MAPKAP1: variants seen among roughly 807,000 people sequenced by gnomAD.
MAPKAP1 encodes the protein target of rapamycin complex 2 subunit MAPKAP1.
In MAPKAP1, 20 loss-of-function variants were observed where a neutral mutation model predicts 65.7. The ratio of observed to expected loss-of-function variants is 0.30; its 90% CI spans 0.21 to 0.44. The LOEUF (loss-of-function observed/expected upper bound fraction) is 0.44, where lower values mean the gene tolerates loss of function less well. Among genes scored for constraint, MAPKAP1 ranks in the 20% least tolerant of loss-of-function variants. The pLI, the probability that MAPKAP1 is intolerant of heterozygous loss-of-function variation, is 1.00. For synonymous variants in MAPKAP1, 222 were observed against 244.3 expected (o/e 0.91, Z 0.85); for missense variants, 423 against 648.0 (o/e 0.65, Z 3.77).
At chr9:125,652,003 T>A (rs184204310) in intron 4 of MAPKAP1, 108 of 720,842 alleles carry the variant, frequency 1.5e-4, no homozygotes, top group Non-Finnish European at 7.3e-6. Context: ...GCAAACGTAG[T>A]TTAACATATT....
chr9:125,637,992 G>A (rs1306434743), intron 4 of MAPKAP1, among the ~76,000 whole-genome samples: 1 of 152,096 alleles, frequency 6.6e-6, no homozygotes, highest in African/African-American at 2.4e-5. Context: ...GGCTGGTCTC[G>A]ATCTCCTGAC....
At chr9:125,605,094 G>C (rs1035534587) in intron 4 of MAPKAP1, among the ~76,000 whole-genome samples, 2 of 152,162 alleles carry the variant, frequency 1.3e-5, no homozygotes, top group Non-Finnish European at 1.5e-5. Context: ...GCTATGCATA[G>C]TAAACATAGT....
intron 5 of MAPKAP1, among the ~76,000 whole-genome samples, chr9:125,575,325 G>A (rs1399914003): frequency 6.6e-6 from 1 of 152,074 alleles, no homozygotes; most frequent in South Asian, 2.1e-4. Context: ...TTGCACAACC[G>A]CACTCCAACC....
At chr9:125,536,087 G>A (rs960027219) in intron 7 of MAPKAP1, among the ~76,000 whole-genome samples, 19 of 152,164 alleles carry the variant, frequency 1.2e-4, no homozygotes, top group African/African-American at 4.3e-4. Context: ...TGGCAGTTGC[G>A]AGAGCTCATA....
chr9:125,596,235 T>C (rs570733394), intron 4 of MAPKAP1: 2 of 765,272 alleles, frequency 2.6e-6, no homozygotes, highest in South Asian at 2.7e-5. Context: ...TAATACTTCA[T>C]CCAGCGAAAG....
intron 4 of MAPKAP1, among the ~76,000 whole-genome samples, chr9:125,586,996 A>G (rs769721314): frequency 6.6e-5 from 10 of 152,216 alleles, no homozygotes; most frequent in Admixed American, 1.3e-4. Context: ...TCAAAAATAC[A>G]TTTCAATGGG....
At chr9:125,577,303 T>C (rs1226097086) in intron 5 of MAPKAP1, among the ~76,000 whole-genome samples, 2 of 149,454 alleles carry the variant, frequency 1.3e-5, no homozygotes, top group South Asian at 2.1e-4. Context: ...GTCTGAGAAG[T>C]GAGGAGCCCC....
intron 4 of MAPKAP1, among the ~76,000 whole-genome samples, chr9:125,635,773 A>T (rs1384742760): frequency 1.3e-5 from 2 of 152,222 alleles, no homozygotes; most frequent in Non-Finnish European, 2.9e-5. Context: ...TTTTTAAGGT[A>T]AGTCTTTATA....
chr9:125,485,940 G>C (rs2133040907), intron 8 of MAPKAP1, among the ~76,000 whole-genome samples: 1 of 152,272 alleles, frequency 6.6e-6, no homozygotes, highest in Admixed American at 6.5e-5. Flanking sequence ...TTTTCTTCTA[G>C]TGTCAGGGTG....
rs1295828208 is a variant in MAPKAP1, at chr9:125,589,118, TGAG to T, written c.499-3394_499-3392del. ...TGCTTCTGTTTCCTCATATGTAAAA[TGAG>T]GAGAATGGTAGGACCTACCTATCAT... is the stretch of plus-strand genomic sequence containing the variant. On this transcript the variant is annotated intron_variant, in intron 4 of 11. Coordinates refer to ENST00000265960, the MANE Select transcript of MAPKAP1 (RefSeq NM_001006617.3). Among the ~76,000 whole-genome samples the T allele has an allele frequency of 2.6e-5, 4 of 152,174 alleles. No homozygotes were observed. The East Asian group carries it at 7.7e-4, about 29-fold the overall frequency.
intron 6 of MAPKAP1, among the ~76,000 whole-genome samples, chr9:125,548,240 C>G (rs772054813): frequency 2.0e-5 from 3 of 152,134 alleles, no homozygotes; most frequent in Admixed American, 1.3e-4. Context: ...GCTGCACAGT[C>G]CAGTGGGAGA....
Position 125,444,579 on chromosome 9 carries a change from G to C in MAPKAP1, c.1365C>G (p.Leu455=). The C allele has an allele frequency of 6.2e-7, 1 of 1,613,488 alleles. No homozygotes were observed. The highest frequency in any genetic ancestry group is 8.5e-7 in the Non-Finnish European group (1 of 1,179,542). ...EKSPSHAIFK[L]TYLSNHDYKH... ...TATAGTCGTGATTGCTTAGATACGT[G>C]AGTTTAAATATTGCGTGACCTGCAG... Residue 455 remains leucine, a synonymous_variant, in exon 11 of 12, where the codon CTC becomes CTG. Transcript: ENST00000265960.
chr9:125,693,846 TACACACACACAC>T (rs1554844769), intron 1 of MAPKAP1, among the ~76,000 whole-genome samples: 5 of 135,446 alleles, frequency 3.7e-5, no homozygotes, highest in Admixed American at 3.7e-4. Flanking sequence ...TATACACACA[TACACACACACAC>T]ACACACACAC....
chr9:125,556,882 C>G (rs1281366393), intron 6 of MAPKAP1, among the ~76,000 whole-genome samples: 1 of 152,192 alleles, frequency 6.6e-6, no homozygotes, highest in African/African-American at 2.4e-5. Flanking sequence ...GGTCAGTAAT[C>G]TGTACTATTT....
chr9:125,475,429 TTTCA>T (rs1854067676), intron 9 of MAPKAP1, among the ~76,000 whole-genome samples: 1 of 152,160 alleles, frequency 6.6e-6, no homozygotes, highest in South Asian at 2.1e-4. Flanking sequence ...GGATCACTGG[TTTCA>T]TTCAAAGGAC....
chr9:125,575,736 T>C (rs1831374690), intron 5 of MAPKAP1, among the ~76,000 whole-genome samples: 1 of 152,166 alleles, frequency 6.6e-6, no homozygotes, highest in African/African-American at 2.4e-5. Flanking sequence ...GCAACAACTC[T>C]CATTCCTCAC....
chr9:125,534,614 C>A (rs912080337), intron 7 of MAPKAP1, among the ~76,000 whole-genome samples: 31 of 152,174 alleles, frequency 2.0e-4, no homozygotes, highest in Non-Finnish European at 4.0e-4. Flanking sequence ...TGTTCTTTGG[C>A]CTCTAATTCA....
intron 1 of MAPKAP1, among the ~76,000 whole-genome samples, chr9:125,691,928 G>A (rs1009687171): frequency 2.6e-5 from 4 of 152,156 alleles, no homozygotes; most frequent in African/African-American, 9.7e-5. Context: ...AGAGAAAAAT[G>A]GATCATTTCC....
intron 6 of MAPKAP1, among the ~76,000 whole-genome samples, chr9:125,549,337 CA>C (rs1424487890): frequency 6.6e-6 from 1 of 152,178 alleles, no homozygotes; most frequent in Admixed American, 6.5e-5. Flanking sequence ...TGCTCTGGTC[CA>C]ATTCCATGCA....
Sources: gnomAD v4.1 joint callset for allele counts (sites outside exome capture counted in the v4.1 genomes callset) on GRCh38, gnomAD v4.1.1 for gene constraint, MANE v1.5 for transcripts, NCBI Gene and HGNC (gene_info 2026-07-23, HGNC 2026-07-21) for gene names.